The following EML5 variants were observed in gnomAD, a reference collection of about 807,000 sequenced individuals.
EML5 encodes the protein echinoderm microtubule-associated protein-like 5.
In EML5, 120 loss-of-function variants were observed where a neutral mutation model predicts 250.0. The ratio of observed to expected loss-of-function variants is 0.48; its 90% CI spans 0.41 to 0.56. The LOEUF is 0.56. Among genes scored for constraint, EML5 ranks in the 20% least tolerant of loss-of-function variants. The probability of loss-of-function intolerance (pLI) is 0.00; values close to 1 mark genes in which losing one functional copy is unlikely to be tolerated. For missense variants in EML5, 2,006 were observed against 2,437.6 expected (o/e 0.82, Z 3.73); for synonymous variants, 771 against 806.5 (o/e 0.96, Z 0.75).
chr14:88,741,157 G>A (rs368607277), intron 4 of EML5, among the ~76,000 whole-genome samples: 7 of 151,184 alleles, frequency 4.6e-5, no homozygotes, highest in South Asian at 4.2e-4. Context: ...GTGAGACTCC[G>A]TCTCAAGAAA....
At chr14:88,623,512 C>G (rs2089431285) in intron 36 of EML5, 1 of 150,632 alleles carries the variant, frequency 6.6e-6, no homozygotes, top group African/African-American at 2.5e-5. Flanking sequence ...CCTGTGCCTC[C>G]CAGGTTCAAG....
intron 22 of EML5, among the ~76,000 whole-genome samples, chr14:88,665,061 C>T (rs1384607155): frequency 1.3e-5 from 2 of 152,054 alleles, no homozygotes; most frequent in African/African-American, 4.8e-5. Flanking sequence ...ATAACGAAAA[C>T]AGTTATCCAA....
intron 6 of EML5, among the ~76,000 whole-genome samples, chr14:88,738,209 C>G (rs1293776888): frequency 1.3e-5 from 2 of 152,038 alleles, no homozygotes; most frequent in Admixed American, 6.5e-5. Context: ...TCCTTATAAA[C>G]ATTTGAGAAA....
Position 88,726,546 on chromosome 14 carries a change from T to C in EML5, c.1182A>G (p.Arg394=). The C allele has an allele frequency of 1.2e-6, 2 of 1,605,646 alleles. No individual in the cohort carries two copies. The highest frequency in any genetic ancestry group is 1.1e-5 in the South Asian group (1 of 89,006). The change falls in exon 8 of 44, where the codon AGA becomes AGG. Residue 394 remains arginine, a synonymous_variant. Coordinates refer to ENST00000554922, the MANE Select transcript of EML5 (RefSeq NM_183387.3). ...TTTCTACCCTAATACCATACCTTAC[T>C]CTAAGTACAGTGAATGAGCCATCCT... ...GMKDGSFTVL[R]VRDMTEVVHI...
rs750889645 is a variant in EML5 at position 88,616,808 on chromosome 14, A to G, written c.5714T>C (p.Val1905Ala). Residue 1905 changes from valine (V) to alanine (A), a missense_variant, in exon 42 of 44, where the codon GTA becomes GCA. Physicochemically the swap from Val to Ala is moderately conservative, Grantham distance 64. This residue lies in a region of EML5 where 405 missense variants were observed against 523.3 expected (regional missense o/e 0.77). Coordinates refer to ENST00000554922, the MANE Select transcript of EML5 (RefSeq NM_183387.3). ...AACAAGACTGATTCCTGAATGAGAT[A>G]CACAGGCACAGTTGACATCAGCTTT... ...AEKADVNCAC[V>A]SHSGISLVTG... 1 of 1,613,976 alleles carries G rather than the reference A, an allele frequency of 6.2e-7. No homozygotes were observed. Among genetic ancestry groups the G allele is most frequent in the Non-Finnish European group, 8.5e-7 (1 of 1,179,836 alleles).
At position 88,746,252 on chromosome 14, in the gene EML5, T is replaced by C. The variant is rs1319445557; in HGVS notation, c.389A>G (p.Asn130Ser). Residue 130 changes from asparagine (N) to serine (S), a missense_variant, in exon 3 of 44, where the codon AAT (asparagine) becomes AGT (serine). Around this residue, in one of 7 missense-constraint regions of EML5, gnomAD observed 162 missense variants for 212.2 expected, o/e 0.76. Transcript: ENST00000554922. ...RLVSVGLDSK[N>S]AVCVWDWKRG... ...TTTCCAGTCCCAAACACAAACTGCA[T>C]TCTTTGAATCAAGTCCAACTGAAAC... 6.2e-6 allele frequency: 10 copies of C among 1,613,312 alleles called. No individual in the cohort carries two copies. Among genetic ancestry groups the C allele is most frequent in the Non-Finnish European group, 8.5e-6 (10 of 1,179,582 alleles).
At chr14:88,731,209 TCCCTCCC>T (rs2093751861) in intron 7 of EML5, among the ~76,000 whole-genome samples, 1 of 140,708 alleles carries the variant, frequency 7.1e-6, no homozygotes, top group African/African-American at 2.6e-5. Flanking sequence ...CCTAATGTTA[TCCCTCCC>T]CCCTCCCCCC....
chr14:88,618,441 T>A (rs2088140540), intron 40 of EML5, 110 bp from the exon 41 acceptor site: 1 of 1,133,670 alleles, frequency 8.8e-7, no homozygotes, highest in Admixed American at 2.2e-5. Flanking sequence ...TGTCTAACAT[T>A]ATTAAGTATG....
chr14:88,780,018 C>T (rs1043502143), intron 1 of EML5, among the ~76,000 whole-genome samples: 5 of 151,972 alleles, frequency 3.3e-5, no homozygotes, highest in South Asian at 2.1e-4. Flanking sequence ...GGTGCAATCT[C>T]GGCTCACTCT....
chr14:88,660,102 C>T (rs1186152756), intron 25 of EML5, among the ~76,000 whole-genome samples: 1 of 151,452 alleles, frequency 6.6e-6, no homozygotes, highest in Non-Finnish European at 1.5e-5. Flanking sequence ...ATCTGGAGAC[C>T]CCATCTCTAC....
intron 4 of EML5, among the ~76,000 whole-genome samples, chr14:88,742,884 T>C (rs958312641): frequency 6.6e-6 from 1 of 152,062 alleles, no homozygotes; most frequent in Non-Finnish European, 1.5e-5. Context: ...GTTAGGCATA[T>C]TGAAATAAAG....
rs769477236 is a variant in EML5, at chr14:88,618,217, T to C, written c.5642+11A>G. On this transcript the variant is annotated intron_variant, in intron 41 of 43. Transcript: ENST00000554922. ...AGTCAGTTCTTGCCTTGTGAATATATAAGTATTTACCTAGTCCATGTAGCC... is the reference window on the plus strand; with the variant it reads ...AGTCAGTTCTTGCCTTGTGAATATACAAGTATTTACCTAGTCCATGTAGCC... 11 of 1,611,244 alleles carry C rather than the reference T, an allele frequency of 6.8e-6. No homozygotes were observed. The highest frequency in any genetic ancestry group is 3.3e-4 in the Middle Eastern group (2 of 6,082).
intron 7 of EML5, among the ~76,000 whole-genome samples, chr14:88,733,668 C>T (rs11849683): frequency 0.019 from 2,828 of 152,198 alleles, 97 homozygotes; most frequent in African/African-American, 0.064. Context: ...CCTATGCCAT[C>T]TCCCATCCCC....
chr14:88,665,866 C>T (rs1567089954), intron 21 of EML5, among the ~76,000 whole-genome samples: 1 of 151,916 alleles, frequency 6.6e-6, no homozygotes, highest in Non-Finnish European at 1.5e-5. Flanking sequence ...TATGATTGCA[C>T]CACTGCACTC....
In EML5 at chr14:88,712,278, T is replaced by A; in HGVS notation, c.1650A>T (p.Leu550Phe). 1 of 1,606,872 alleles carries A rather than the reference T, an allele frequency of 6.2e-7. No homozygotes were observed. ...GIIKLFRYPC[L>F]RKGAKFRKYI... ...TTTTGAAAGAAAAGGTACCTTTTCT[T>A]AAACATGGATATCGGAATAATTTTA... is the stretch of plus-strand genomic sequence containing the variant. Residue 550 changes from leucine (L) to phenylalanine (F), a missense_variant, in exon 10 of 44, where the codon TTA becomes TTT. Around this residue, in one of 7 missense-constraint regions of EML5, gnomAD observed 1,375 missense variants for 1,590.3 expected, o/e 0.86. Transcript: ENST00000554922.
Position 88,690,036 on chromosome 14 carries a change from G to C in EML5, c.2540-1563C>G, listed in dbSNP as rs541652348. 3.3e-5 allele frequency among the ~76,000 whole-genome samples: 5 copies of C among 152,288 alleles called. No homozygotes were observed. The South Asian group carries it at 1.0e-3, about 32-fold the overall frequency. ...TCTAAATGAAGACTTGAAGGAGGTA[G>C]CAAGAGCAAGCCATGCTAGAAGAGT... On this transcript the variant is annotated intron_variant, in intron 17 of 43. Transcript: ENST00000554922.
intron 21 of EML5, among the ~76,000 whole-genome samples, chr14:88,669,676 A>C (rs946717587): frequency 2.0e-5 from 3 of 152,142 alleles, no homozygotes; most frequent in Non-Finnish European, 4.4e-5. Context: ...AGCTCTGAGG[A>C]ATCTGGGCAG....
chr14:88,643,826 G>T (rs1222219157), intron 30 of EML5, among the ~76,000 whole-genome samples: 1 of 152,188 alleles, frequency 6.6e-6, no homozygotes, highest in Non-Finnish European at 1.5e-5. Flanking sequence ...ACATTTCATT[G>T]ACTTTGTAGG....
intron 14 of EML5, among the ~76,000 whole-genome samples, chr14:88,697,538 G>C (rs567911288): frequency 6.6e-6 from 1 of 152,286 alleles, no homozygotes; most frequent in East Asian, 1.9e-4. Context: ...GCAGCACTCT[G>C]TCACTTATTT....
Sources: gnomAD v4.1 joint callset for allele counts (sites outside exome capture counted in the v4.1 genomes callset) on GRCh38, gnomAD v4.1.1 for gene constraint, gnomAD v4.1.1 regional missense constraint, MANE v1.5 for transcripts, NCBI Gene and HGNC (gene_info 2026-07-23, HGNC 2026-07-21) for gene names.